VPS13B: variants seen among roughly 807,000 people sequenced by gnomAD.
VPS13B encodes the protein intermembrane lipid transfer protein VPS13B.
VPS13B carries 285 observed loss-of-function variants against 426.4 expected under a neutral mutation model. That is an observed-to-expected ratio of 0.67 (90% CI 0.61 to 0.74). VPS13B has a LOEUF of 0.74. Ranked by LOEUF, VPS13B falls within the 30% of genes least tolerant of loss-of-function variation. VPS13B has a pLI of 0.00. For synonymous variants in VPS13B, 1,676 were observed against 1,676.4 expected (o/e 1.00, Z 0.01); for missense variants, 4,537 against 4,782.6 (o/e 0.95, Z 1.51).
intron 30 of VPS13B, among the ~76,000 whole-genome samples, chr8:99,534,453 T>TAAC (rs1341943849): frequency 6.6e-6 from 1 of 152,220 alleles, no homozygotes; most frequent in African/African-American, 2.4e-5. Flanking sequence ...GTTCCCATCA[T>TAAC]AACAGTTTTG....
chr8:99,831,607 T>A (rs983382888), intron 51 of VPS13B, among the ~76,000 whole-genome samples: 1 of 152,164 alleles, frequency 6.6e-6, no homozygotes, highest in Non-Finnish European at 1.5e-5. Flanking sequence ...CTCTGTAGGT[T>A]CCATAGTTAT....
At chr8:99,071,472 G>A (rs547692819) in intron 3 of VPS13B, among the ~76,000 whole-genome samples, 2 of 152,308 alleles carry the variant, frequency 1.3e-5, no homozygotes, top group Admixed American at 1.3e-4. Flanking sequence ...GGAAAAAGGT[G>A]ACACAAGCAT....
At chr8:99,127,263 T>C (rs558817491) in intron 8 of VPS13B, among the ~76,000 whole-genome samples, 1 of 152,136 alleles carries the variant, frequency 6.6e-6, no homozygotes, top group African/African-American at 2.4e-5. Flanking sequence ...ACTCCCAAGG[T>C]GATATAACTC....
chr8:99,853,973 G>A lies in VPS13B; in HGVS notation c.10584G>A (p.Arg3528=), dbSNP rs141266642. 5 of 1,614,114 alleles carry A rather than the reference G, an allele frequency of 3.1e-6. No individual in the cohort carries two copies. The African/African-American group carries it at 5.3e-5, about 17-fold the overall frequency. ...TTGACACCTACCTTCCTAACAGCAGGTTGGCTGGTCACTCCACACACCTCT... is the reference window on the plus strand; with the variant it reads ...TTGACACCTACCTTCCTAACAGCAGATTGGCTGGTCACTCCACACACCTCT... The part of the protein sequence containing the change: ...TLFDTYLPNS[R]LAGHSTHLSG... The change falls in exon 56 of 62, where the codon AGG becomes AGA. Residue 3528 remains arginine (R), a synonymous_variant. Coordinates refer to ENST00000357162, the MANE Select transcript of VPS13B (RefSeq NM_152564.5).
chr8:99,439,480 G>A (rs1817573045), intron 22 of VPS13B, among the ~76,000 whole-genome samples: 1 of 152,044 alleles, frequency 6.6e-6, no homozygotes, highest in African/African-American at 2.4e-5. Flanking sequence ...GAATAAAGGA[G>A]AGAAAAAGTA....
At chr8:99,061,115 G>C (rs1237971382) in intron 3 of VPS13B, among the ~76,000 whole-genome samples, 1 of 151,972 alleles carries the variant, frequency 6.6e-6, no homozygotes, top group African/African-American at 2.4e-5. Context: ...TTTCCCTTCA[G>C]TTTTATGCCA....
Position 99,391,604 on chromosome 8 carries a change from A to G in VPS13B, c.2982A>G (p.Lys994=), listed in dbSNP as rs750994865. The G allele has an allele frequency of 6.8e-6, 11 of 1,614,182 alleles. No homozygotes were observed. Among genetic ancestry groups the G allele is most frequent in the Non-Finnish European group, 9.3e-6 (11 of 1,180,006 alleles). ...TTGTTATGCCAGTTTGTAGAAGGAA[A>G]GAGGATGAGGTGTCTATTGGAAGTG... ...VPLVMPVCRR[K]EDEVSIGSAP... Residue 994 remains lysine, a synonymous_variant, in exon 21 of 62, where the codon AAA becomes AAG. Coordinates refer to ENST00000357162, the MANE Select transcript of VPS13B (RefSeq NM_152564.5).
intron 12 of VPS13B, among the ~76,000 whole-genome samples, chr8:99,141,721 G>A (rs936958079): frequency 2.6e-4 from 40 of 151,908 alleles, no homozygotes; most frequent in African/African-American, 5.5e-4. Context: ...GCACTAAGTC[G>A]TCTGGTTAAA....
Position 99,156,554 on chromosome 8 carries a change from A to C in VPS13B, c.2019A>C (p.Ser673=). The C allele has an allele frequency of 6.2e-7, 1 of 1,613,920 alleles. No individual in the cohort carries two copies. The highest frequency in any genetic ancestry group is 8.5e-7 in the Non-Finnish European group (1 of 1,179,848). The change falls in exon 15 of 62, where the codon TCA becomes TCC. Residue 673 remains serine (S), a synonymous_variant. Transcript: ENST00000357162. The part of the protein sequence containing the change: ...LLPVIMGEKN[S]SNFMNTTNFQ... ...CGAACACTATTATTTTCTAGAACTC[A>C]AGTAACTTCATGAATACTACAAACT...
chr8:99,827,923 T>A (rs1814792041), intron 51 of VPS13B, among the ~76,000 whole-genome samples: 1 of 152,224 alleles, frequency 6.6e-6, no homozygotes, highest in South Asian at 2.1e-4. Flanking sequence ...TGAGTTCTAA[T>A]TGCACTGTGG....
intron 17 of VPS13B, among the ~76,000 whole-genome samples, chr8:99,251,832 T>C (rs916785200): frequency 6.6e-6 from 1 of 151,996 alleles, no homozygotes; most frequent in African/African-American, 2.4e-5. Context: ...CCTTGAAGAA[T>C]TGATTCATCT....
At chr8:99,675,433 T>C (rs947725175) in intron 35 of VPS13B, among the ~76,000 whole-genome samples, 8 of 152,146 alleles carry the variant, frequency 5.3e-5, no homozygotes, top group African/African-American at 1.9e-4. Context: ...GGTAATCTTA[T>C]TTGGATTGAA....
chr8:99,688,722 G>A (rs898097107), intron 35 of VPS13B, among the ~76,000 whole-genome samples: 4 of 152,030 alleles, frequency 2.6e-5, no homozygotes, highest in African/African-American at 9.7e-5. Flanking sequence ...AAGGTTATCT[G>A]AAAATCACTG....
chr8:99,619,188 T>A (rs570213617), intron 33 of VPS13B, among the ~76,000 whole-genome samples: 1 of 152,164 alleles, frequency 6.6e-6, no homozygotes, highest in Admixed American at 6.5e-5. Flanking sequence ...CCAAGCCCTG[T>A]GATTTAAGCA....
chr8:99,764,476 C>T (rs1267349682), intron 39 of VPS13B, among the ~76,000 whole-genome samples: 4 of 143,266 alleles, frequency 2.8e-5, no homozygotes, highest in Admixed American at 7.3e-5. Flanking sequence ...TGCAGTGGCG[C>T]GATCTTGGCT....
intron 49 of VPS13B, 60 bp from the exon 50 acceptor site, chr8:99,821,234 T>C: frequency 6.4e-7 from 1 of 1,564,750 alleles, no homozygotes; most frequent in Non-Finnish European, 8.7e-7. Flanking sequence ...TCCTGAGGAT[T>C]GAAGTAAAAA....
In VPS13B at chr8:99,766,899, G is replaced by A; in HGVS notation, c.7176G>A (p.Gln2392=). The A allele has an allele frequency of 6.2e-7, 1 of 1,614,028 alleles. No individual in the cohort carries two copies. Among genetic ancestry groups the A allele is most frequent in the Non-Finnish European group, 8.5e-7 (1 of 1,179,952 alleles). Residue 2392 remains glutamine, a synonymous_variant, in exon 40 of 62, where the codon CAG becomes CAA. Transcript: ENST00000357162. The part of the protein sequence containing the change: ...QLPDINLVND[Q]KKLVSSDLWR... Reference sequence around the variant, plus strand: ...CGGATATCAATCTCGTGAATGACCAGAAGAAATTAGTATCTTCAGATCTTT... The same window carrying A: ...CGGATATCAATCTCGTGAATGACCAAAAGAAATTAGTATCTTCAGATCTTT...
At chr8:99,842,934 C>A (rs749874709) in intron 54 of VPS13B, among the ~76,000 whole-genome samples, 18 of 152,140 alleles carry the variant, frequency 1.2e-4, no homozygotes, top group Non-Finnish European at 2.4e-4. Context: ...AGGCAGATTG[C>A]TTGAGCCCAG....
intron 61 of VPS13B, chr8:99,875,035 A>C (rs1817626129): frequency 3.6e-5 from 11 of 302,024 alleles, no homozygotes; most frequent in South Asian, 9.7e-5. Flanking sequence ...TGCTGAGTTT[A>C]ATGTTGAATA....
Sources: gnomAD v4.1 joint callset for allele counts (sites outside exome capture counted in the v4.1 genomes callset) on GRCh38, gnomAD v4.1.1 for gene constraint, MANE v1.5 for transcripts, NCBI Gene and HGNC (gene_info 2026-07-23, HGNC 2026-07-21) for gene names.